DHX36: variants seen among roughly 807,000 people sequenced by gnomAD.
DHX36 encodes DEAH-box helicase 36.
DHX36 carries 50 observed loss-of-function variants against 139.0 expected under a neutral mutation model. That is an observed-to-expected ratio of 0.36 (90% CI 0.29 to 0.46). DHX36 has a LOEUF of 0.46. DHX36 is among the 20% of genes least tolerant of loss of function. The pLI is 1.00. For missense variants in DHX36, 1,024 were observed against 1,211.3 expected (o/e 0.85, Z 2.29); for synonymous variants, 425 against 401.9 (o/e 1.06, Z -0.69).
Position 154,274,485 on chromosome 3 carries a change from A to C in DHX36, c.*1686T>G, listed in dbSNP as rs887004909. 1.3e-5 allele frequency: 2 copies of C among 152,312 alleles called. No homozygotes were observed. Among genetic ancestry groups the C allele is most frequent in the Admixed American group, 1.3e-4 (2 of 15,262 alleles). The allele number at this position is 152,312 out of a possible 1,614,324, so 9.4% of individuals were successfully genotyped here. The stretch of plus-strand genomic sequence containing the variant: ...ACCGGCATTATCAAAGGCTCTGGTG[A>C]GTTCTATCTTTCCACTGAGCTAACC... On this transcript the variant is annotated 3_prime_UTR_variant, in exon 25 of 25. Coordinates refer to ENST00000496811, the MANE Select transcript of DHX36 (RefSeq NM_020865.3).
intron 1 of DHX36, among the ~76,000 whole-genome samples, chr3:154,320,975 GACTC>G (rs1367206184): frequency 4.6e-5 from 7 of 152,110 alleles, no homozygotes; most frequent in Non-Finnish European, 8.8e-5. Flanking sequence ...TCCTTAGAAA[GACTC>G]AATGTATCTC....
At chr3:154,309,524 G>T in intron 5 of DHX36, 129 bp downstream of exon 5, 1 of 669,516 alleles carries the variant, frequency 1.5e-6, no homozygotes, top group Non-Finnish European at 2.2e-6. Context: ...AACATGTTAA[G>T]CAACTATTTG....
intron 1 of DHX36, among the ~76,000 whole-genome samples, chr3:154,321,543 A>G (rs1177087197): frequency 6.6e-6 from 1 of 152,198 alleles, no homozygotes; most frequent in Non-Finnish European, 1.5e-5. Context: ...ACACACCACA[A>G]TCTCTGTAGA....
intron 13 of DHX36, among the ~76,000 whole-genome samples, chr3:154,294,890 T>A (rs1303479138): frequency 6.6e-6 from 1 of 152,240 alleles, no homozygotes; most frequent in Admixed American, 6.5e-5. Flanking sequence ...TACCTGTGAA[T>A]ATACTAGCTT....
At chr3:154,294,498 A>G (rs1473068329) in intron 13 of DHX36, among the ~76,000 whole-genome samples, 2 of 152,224 alleles carry the variant, frequency 1.3e-5, no homozygotes, top group Non-Finnish European at 2.9e-5. Context: ...TACATAATTT[A>G]CTAGGTTATG....
intron 6 of DHX36, 73 bp downstream of exon 6, chr3:154,306,143 T>A: frequency 8.9e-7 from 1 of 1,125,382 alleles, no homozygotes; most frequent in Non-Finnish European, 1.3e-6. Context: ...GGGGAAAATA[T>A]CCTTTCTTTT....
intron 10 of DHX36, 93 bp downstream of exon 10, chr3:154,300,894 T>A: frequency 6.6e-7 from 1 of 1,524,814 alleles, no homozygotes; most frequent in South Asian, 1.2e-5. Flanking sequence ...TGCTCTCCTT[T>A]AAGTACGTAC....
chr3:154,324,063 T>C, intron 1 of DHX36, 111 bp downstream of exon 1: 3 of 1,256,726 alleles, frequency 2.4e-6, no homozygotes. Context: ...TCATTTACAT[T>C]TCACAAAACA....
Position 154,324,432 on chromosome 3 carries a change from C to T in DHX36, c.-16G>A, listed in dbSNP as rs1476307858. The stretch of plus-strand genomic sequence containing the variant: ...CATAACTCATTGTCCTGGCAGACTA[C>T]AACCCGTCAGAACCAGCAACCGCTG... On this transcript the variant is annotated 5_prime_UTR_variant, in exon 1 of 25. Coordinates refer to ENST00000496811, the MANE Select transcript of DHX36 (RefSeq NM_020865.3). 2.7e-6 allele frequency: 4 copies of T among 1,478,008 alleles called. No homozygotes were observed. Among genetic ancestry groups the T allele is most frequent in the African/African-American group, 1.4e-5 (1 of 71,152 alleles). 91.6% of individuals were successfully genotyped at this position (1,478,008 alleles called of 1,614,324 possible).
intron 19 of DHX36, 57 bp downstream of exon 19, chr3:154,284,526 A>G (rs914280304): frequency 2.2e-6 from 3 of 1,392,046 alleles, no homozygotes; most frequent in South Asian, 1.3e-5. Flanking sequence ...TTATTCTATT[A>G]TTAGCATTTC....
intron 15 of DHX36, 130 bp from the exon 16 acceptor site, chr3:154,289,956 T>C (rs1265010295): frequency 3.5e-6 from 2 of 565,250 alleles, no homozygotes; most frequent in South Asian, 5.6e-5. Flanking sequence ...ATAGCTAATG[T>C]ACGTAATTAT....
intron 1 of DHX36, among the ~76,000 whole-genome samples, chr3:154,322,037 A>G (rs1305208282): frequency 6.6e-6 from 1 of 152,226 alleles, no homozygotes; most frequent in African/African-American, 2.4e-5. Context: ...AGGTGGTCAA[A>G]GAAGAGCTGG....
intron 1 of DHX36, 74 bp downstream of exon 1, chr3:154,324,100 A>T: frequency 6.8e-7 from 1 of 1,478,152 alleles, no homozygotes; most frequent in Non-Finnish European, 9.1e-7. Flanking sequence ...AACAAAACCA[A>T]GAAAAAGGGG....
At chr3:154,314,263 C>T (rs1220347483) in intron 3 of DHX36, among the ~76,000 whole-genome samples, 4 of 152,312 alleles carry the variant, frequency 2.6e-5, no homozygotes, top group African/African-American at 7.2e-5. Context: ...TATTCTAATA[C>T]GGAAATCCAA....
intron 20 of DHX36, among the ~76,000 whole-genome samples, chr3:154,282,887 G>C (rs1719373747): frequency 6.6e-6 from 1 of 152,116 alleles, no homozygotes; most frequent in African/African-American, 2.4e-5. Flanking sequence ...CTTTTCAACA[G>C]ATTTTAGTAG....
In DHX36 at chr3:154,278,808, C is replaced by T. The variant is rs1193080704; in HGVS notation, c.2568-1090G>A. 3.3e-5 allele frequency: 5 copies of T among 152,190 alleles called. No individual in the cohort carries two copies. The East Asian group carries it at 7.7e-4, about 24-fold the overall frequency. 9.4% of individuals were successfully genotyped at this position (152,190 alleles called of 1,614,324 possible). A position where few individuals can be genotyped will look rare whatever the true frequency, so the allele number is the denominator to read the frequency against. On this transcript the variant is annotated intron_variant, in intron 22 of 24. Coordinates refer to ENST00000496811, the MANE Select transcript of DHX36 (RefSeq NM_020865.3). ...TCTGAAGTTCTAAGAATTCATAAGA[C>T]TTGTAATCAAAATCATGAATCATGG... is the stretch of plus-strand genomic sequence containing the variant.
At chr3:154,306,321 G>A in intron 5 of DHX36, 26 bp from the exon 6 acceptor site, 1 of 1,577,896 alleles carries the variant, frequency 6.3e-7, no homozygotes, top group Non-Finnish European at 8.7e-7. Context: ...AACATAAAGA[G>A]AATATAATTT....
At chr3:154,305,342 A>G in intron 6 of DHX36, 174 bp from the exon 7 acceptor site, 1 of 567,368 alleles carries the variant, frequency 1.8e-6, no homozygotes, top group Non-Finnish European at 3.1e-6. Context: ...AAATACTTCA[A>G]GTTCATTATA....
intron 14 of DHX36, among the ~76,000 whole-genome samples, chr3:154,293,342 G>A (rs1576865098): frequency 6.6e-6 from 1 of 152,292 alleles, no homozygotes; most frequent in East Asian, 1.9e-4. Context: ...CACTTTGGGA[G>A]GTTGAGGTAA....
Sources: allele counts gnomAD v4.1 joint callset (sites outside exome capture counted in the v4.1 genomes callset), GRCh38; gene constraint gnomAD v4.1.1; transcripts MANE v1.5; gene names NCBI Gene and HGNC (gene_info 2026-07-23, HGNC 2026-07-21).